The following DOCK2 variants were observed in gnomAD, a reference collection of about 807,000 sequenced individuals.
DOCK2 encodes dedicator of cytokinesis 2, also known as dedicator of cytokinesis protein 2.
Under a neutral mutation model 248.9 loss-of-function variants are expected in DOCK2, and 87 were observed. The observed-to-expected ratio is 0.35, with a 90% confidence interval of 0.29 to 0.42. The LOEUF is 0.42. Ranked by LOEUF, DOCK2 falls within the 10% of genes least tolerant of loss-of-function variation. The pLI is 1.00. For synonymous variants in DOCK2, 805 were observed against 821.6 expected, an observed-to-expected ratio of 0.98 and a Z score of 0.35; for missense variants, 1,747 against 2,300.2, an observed-to-expected ratio of 0.76 and a Z score of 4.92.
At chr5:169,852,557 T>C (rs771970976) in intron 27 of DOCK2, among the ~76,000 whole-genome samples, 15 of 152,208 alleles carry the variant, frequency 9.9e-5, no homozygotes, top group Non-Finnish European at 2.2e-4. Flanking sequence ...GATCCCCATT[T>C]TGCTTCTCTG....
intron 27 of DOCK2, among the ~76,000 whole-genome samples, chr5:169,855,127 C>G (rs549508807): frequency 1.3e-5 from 2 of 152,308 alleles, no homozygotes; most frequent in Non-Finnish European, 1.5e-5. Flanking sequence ...TCCATTTGCT[C>G]TTCTGGAAAA....
intron 5 of DOCK2, among the ~76,000 whole-genome samples, chr5:169,673,692 T>C (rs1447787367): frequency 6.6e-6 from 1 of 152,114 alleles, no homozygotes; most frequent in East Asian, 1.9e-4. Flanking sequence ...GTCCAAACCT[T>C]TTCTCTCTGT....
At chr5:169,692,136 G>A (rs1473418472) in intron 9 of DOCK2, among the ~76,000 whole-genome samples, 5 of 152,148 alleles carry the variant, frequency 3.3e-5, no homozygotes, top group Non-Finnish European at 5.9e-5. Context: ...TTACAGGCGT[G>A]AGCCACTGCT....
chr5:169,960,916 A>G (rs1159755056), intron 27 of DOCK2, among the ~76,000 whole-genome samples: 1 of 152,194 alleles, frequency 6.6e-6, no homozygotes, highest in Non-Finnish European at 1.5e-5. Context: ...AAATCATAGT[A>G]TATATAGGGT....
At chr5:169,812,988 G>A (rs1767850514) in intron 26 of DOCK2, among the ~76,000 whole-genome samples, 1 of 152,248 alleles carries the variant, frequency 6.6e-6, no homozygotes, top group African/African-American at 2.4e-5. Flanking sequence ...CTGGAGGCAG[G>A]CCTTCCCTGC....
At chr5:169,751,818 TG>T (rs1383785621) in intron 23 of DOCK2, among the ~76,000 whole-genome samples, 2 of 152,174 alleles carry the variant, frequency 1.3e-5, no homozygotes, top group East Asian at 3.8e-4. Context: ...GTTCCAGACA[TG>T]GAACTGGGAT....
intron 1 of DOCK2, among the ~76,000 whole-genome samples, chr5:169,643,693 C>G (rs545730786): frequency 1.1e-4 from 17 of 152,080 alleles, no homozygotes; most frequent in Admixed American, 6.5e-5. Context: ...GTTGGGGACC[C>G]CTGTTCTAGG....
chr5:169,816,831 T>C (rs1310179950), intron 26 of DOCK2, among the ~76,000 whole-genome samples: 1 of 152,212 alleles, frequency 6.6e-6, no homozygotes, highest in African/African-American at 2.4e-5. Context: ...TGTGTTACAG[T>C]CAATGCGGTT....
intron 2 of DOCK2, among the ~76,000 whole-genome samples, chr5:169,655,551 A>G (rs531320767): frequency 6.6e-6 from 1 of 152,318 alleles, no homozygotes; most frequent in East Asian, 1.9e-4. Flanking sequence ...ACATGATCCT[A>G]GTCACTCCTC....
chr5:169,869,633 A>G (rs1771820243), intron 27 of DOCK2, among the ~76,000 whole-genome samples: 1 of 152,204 alleles, frequency 6.6e-6, no homozygotes, highest in African/African-American at 2.4e-5. Context: ...GAGAAGATGC[A>G]TTTCTACTTC....
chr5:170,069,323 C>T, intron 46 of DOCK2, 103 bp downstream of exon 46: 1 of 1,167,638 alleles, frequency 8.6e-7, no homozygotes, highest in Non-Finnish European at 1.2e-6. Flanking sequence ...CCTGAATTCA[C>T]ATGCCCTCCT....
intron 44 of DOCK2, among the ~76,000 whole-genome samples, chr5:170,065,278 A>C (rs1214398374): frequency 6.6e-6 from 1 of 152,194 alleles, no homozygotes; most frequent in Non-Finnish European, 1.5e-5. Context: ...GAAAAGACCC[A>C]CAGCATATCA....
intron 26 of DOCK2, among the ~76,000 whole-genome samples, chr5:169,807,449 T>A (rs935390267): frequency 6.6e-6 from 1 of 152,164 alleles, no homozygotes; most frequent in Non-Finnish European, 1.5e-5. Context: ...TTTTTTTTCC[T>A]TTAGTATTCA....
chr5:169,875,218 A>G (rs565274547), intron 27 of DOCK2: 108 of 456,480 alleles, frequency 2.4e-4, no homozygotes, highest in Admixed American at 7.8e-4. Context: ...TGAACCAACC[A>G]TTCCCAGGGA....
At chr5:169,753,317 C>T (rs1261027559) in intron 23 of DOCK2, among the ~76,000 whole-genome samples, 3 of 152,132 alleles carry the variant, frequency 2.0e-5, no homozygotes, top group East Asian at 1.9e-4. Flanking sequence ...TTAAGCCCTG[C>T]GTGCATCAGC....
At chr5:169,825,582 G>A (rs1299157392) in intron 26 of DOCK2, among the ~76,000 whole-genome samples, 1 of 141,580 alleles carries the variant, frequency 7.1e-6, no homozygotes, top group East Asian at 2.2e-4. Context: ...AGAACACTTG[G>A]ACGCAGGGCG....
At chr5:169,880,618 A>G (rs1772586610) in intron 27 of DOCK2, among the ~76,000 whole-genome samples, 1 of 152,210 alleles carries the variant, frequency 6.6e-6, no homozygotes, top group South Asian at 2.1e-4. Context: ...AAACCCTTGC[A>G]TTTGTTCAGA....
In DOCK2 at chr5:170,034,543, C is replaced by T. The variant is rs3763048; in HGVS notation, c.3612C>T (p.Thr1204=). The T allele has an allele frequency of 0.37, 592,311 of 1,613,754 alleles. 114,079 individuals carry two copies. The highest frequency in any genetic ancestry group is 0.61 in the African/African-American group (45,799 of 74,982). Residue 1204 remains threonine, a synonymous_variant, in exon 35 of 52, where the codon ACC becomes ACT. Coordinates refer to ENST00000520908, the MANE Select transcript of DOCK2 (RefSeq NM_004946.3). ...DESKDNRMSC[T]VNLLNFYKDN... Reference sequence around the variant, plus strand: ...GCAAAGACAACCGCATGAGCTGCACCGTGAACCTGCTGGTGCGTGGGGCTG... The same window carrying T: ...GCAAAGACAACCGCATGAGCTGCACTGTGAACCTGCTGGTGCGTGGGGCTG...
intron 27 of DOCK2, among the ~76,000 whole-genome samples, chr5:169,865,574 G>A (rs1771495856): frequency 6.6e-6 from 1 of 152,164 alleles, no homozygotes; most frequent in Non-Finnish European, 1.5e-5. Context: ...TACTTACAGA[G>A]GAGTTTTCAG....
Sources: allele counts gnomAD v4.1 joint callset (sites outside exome capture counted in the v4.1 genomes callset), GRCh38; gene constraint gnomAD v4.1.1; transcripts MANE v1.5; gene names NCBI Gene and HGNC (gene_info 2026-07-23, HGNC 2026-07-21).